The following DBF4 variants were observed in gnomAD, a reference collection of about 807,000 sequenced individuals.
The protein encoded by DBF4 is DBF4-CDC7 kinase regulatory subunit.
DBF4 carries 25 observed loss-of-function variants against 76.6 expected under a neutral mutation model. The observed-to-expected ratio is 0.33, with a 90% CI of 0.24 to 0.46. DBF4 has a LOEUF of 0.46. DBF4 is among the 20% of genes least tolerant of loss of function. The pLI, the probability that DBF4 is intolerant of heterozygous loss-of-function variation, is 1.00. For missense variants in DBF4, 638 were observed against 760.8 expected, an observed-to-expected ratio of 0.84 and a Z score of 1.90; for synonymous variants, 213 against 258.0, an observed-to-expected ratio of 0.83 and a Z score of 1.67.
Position 87,900,188 on chromosome 7 carries a change from G to A in DBF4, c.681-33G>A, listed in dbSNP as rs1475720720. The stretch of plus-strand genomic sequence containing the variant: ...TAAACCTTTTTTCTTTAATCATAAA[G>A]AATCTCATGTATTTGTCTTTTTATT... On this transcript the variant is annotated intron_variant, in intron 8 of 11. Coordinates refer to ENST00000265728, the MANE Select transcript of DBF4 (RefSeq NM_006716.4). The A allele has an allele frequency of 4.6e-6, 7 of 1,523,868 alleles. No individual in the cohort carries two copies. In the African/African-American group the frequency reaches 8.4e-5, roughly 18 times the overall value. The allele number at this position is 1,523,868 out of a possible 1,614,324, so 94.4% of individuals were successfully genotyped here.
Sources: allele counts gnomAD v4.1 joint callset, GRCh38; gene constraint gnomAD v4.1.1; transcripts MANE v1.5; gene names NCBI Gene and HGNC (gene_info 2026-07-23, HGNC 2026-07-21).